Variants in DTNB observed in about 807,000 individuals in gnomAD.
The protein encoded by DTNB is dystrobrevin beta, also known as DTN-B.
In DTNB, 63 loss-of-function variants were observed where a neutral mutation model predicts 90.7. The observed-to-expected ratio is 0.69, with a 90% CI of 0.57 to 0.86. DTNB has a LOEUF of 0.86. DTNB is among the 40% of genes least tolerant of loss of function. DTNB has a pLI of 0.00. For missense variants in DTNB, 744 were observed against 807.1 expected (o/e 0.92, Z 0.95); for synonymous variants, 277 against 286.7 (o/e 0.97, Z 0.34).
chr2:25,451,573 C>G lies in DTNB; in HGVS notation c.1232G>C (p.Arg411Pro). Residue 411 changes from arginine (R) to proline (P), a missense_variant, in exon 12 of 21, where the codon CGG (arginine) becomes CCG (proline). Coordinates refer to ENST00000406818, the MANE Select transcript of DTNB (RefSeq NM_021907.5). ...CACGTTTCCTGCTTCTGCAGCCAGC[C>G]GGGCAGCATAGCGAGCTATAAGACG... ...EHRLIARYAA[R>P]LAAEAGNVTR... is the part of the protein sequence containing the mutation. The G allele has an allele frequency of 6.2e-7, 1 of 1,609,218 alleles. No homozygotes were observed. The highest frequency in any genetic ancestry group is 8.5e-7 in the Non-Finnish European group (1 of 1,177,804).
At chr2:25,645,734 C>A (rs2079297866) in intron 2 of DTNB, among the ~76,000 whole-genome samples, 1 of 152,076 alleles carries the variant, frequency 6.6e-6, no homozygotes, top group South Asian at 2.1e-4. Context: ...AGCCACTGCA[C>A]CTGGTCCTTA....
In DTNB at chr2:25,461,028, T is replaced by C. The variant is rs1436689073; in HGVS notation, c.1080-5534A>G. 2.6e-5 allele frequency among the ~76,000 whole-genome samples: 4 copies of C among 152,098 alleles called. No homozygotes were observed. The East Asian group carries it at 7.7e-4, about 29-fold the overall frequency. ...AAGCAATTCTCTTGCCTCAGCCTCC[T>C]GAGCAGCTGGGACTACAGGTGTGTG... On this transcript the variant is annotated intron_variant, in intron 10 of 20. Transcript: ENST00000406818.
chr2:25,502,188 A>C (rs6725828), intron 9 of DTNB, among the ~76,000 whole-genome samples: 49,543 of 151,860 alleles, frequency 0.33, 9,659 homozygotes, highest in African/African-American at 0.54. Context: ...CTGTCTCAAA[A>C]CAAAATAACA....
chr2:25,448,592 C>A (rs960063432), intron 12 of DTNB, among the ~76,000 whole-genome samples: 2 of 152,070 alleles, frequency 1.3e-5, no homozygotes, highest in African/African-American at 4.8e-5. Flanking sequence ...CGGTGGCTCA[C>A]GCCTGTAATC....
chr2:25,394,601 T>C (rs1198063289), intron 16 of DTNB, among the ~76,000 whole-genome samples: 2 of 152,030 alleles, frequency 1.3e-5, no homozygotes, highest in South Asian at 2.1e-4. Context: ...TCTCAAAAGA[T>C]GGTATACAAA....
chr2:25,624,247 T>C (rs1303934261), intron 4 of DTNB, among the ~76,000 whole-genome samples: 1 of 152,224 alleles, frequency 6.6e-6, no homozygotes, highest in African/African-American at 2.4e-5. Flanking sequence ...GCGTATCTGA[T>C]TGATGTCTCA....
intron 9 of DTNB, among the ~76,000 whole-genome samples, chr2:25,486,115 C>T (rs886421281): frequency 7.4e-6 from 1 of 135,344 alleles, no homozygotes. Context: ...GAGCAAGACT[C>T]CATCTCAAAA....
Position 25,451,552 on chromosome 2 carries a change from T to A in DTNB, c.1253A>T (p.Asn418Ile), listed in dbSNP as rs34836260. ...TGGGATCCTCCATTAACTTACCACG[T>A]TTCCTGCTTCTGCAGCCAGCCGGGC... Reference protein sequence around the residue: ...YAARLAAEAGNVTRPPTDLSF... With the variant: ...YAARLAAEAGIVTRPPTDLSF... Residue 418 changes from asparagine (N) to isoleucine (I), a missense_variant, in exon 12 of 21, where the codon AAC becomes ATC. Coordinates refer to ENST00000406818, the MANE Select transcript of DTNB (RefSeq NM_021907.5). The A allele has an allele frequency of 6.2e-7, 1 of 1,606,746 alleles. No homozygotes were observed. Among genetic ancestry groups the A allele is most frequent in the African/African-American group, 1.3e-5 (1 of 74,978 alleles).
At position 25,628,170 on chromosome 2, in the gene DTNB, C is replaced by T; in HGVS notation, c.362+1G>A. 6.2e-7 allele frequency: 1 copy of T among 1,613,536 alleles called. No individual in the cohort carries two copies. The highest frequency in any genetic ancestry group is 1.1e-5 in the South Asian group (1 of 91,038). On this transcript the variant is annotated splice_donor_variant, in intron 4 of 20. Transcript: ENST00000406818. LOFTEE classifies it high-confidence loss of function. ...AGCGTGTAAGGTAAGGTACTACTAG[C>T]CTGTCATATGCAGCAATCATAAAGT...
At chr2:25,410,609 A>G (rs2046346139) in intron 16 of DTNB, among the ~76,000 whole-genome samples, 1 of 152,190 alleles carries the variant, frequency 6.6e-6, no homozygotes, top group South Asian at 2.1e-4. Flanking sequence ...AACTCGGGGA[A>G]GTCTGAATTA....
chr2:25,480,408 A>G (rs949479912), intron 10 of DTNB, among the ~76,000 whole-genome samples: 2 of 152,182 alleles, frequency 1.3e-5, no homozygotes, highest in Non-Finnish European at 2.9e-5. Flanking sequence ...TCCAGGCTAT[A>G]GATTATCTGA....
intron 9 of DTNB, among the ~76,000 whole-genome samples, chr2:25,527,960 G>C (rs1052776891): frequency 6.6e-6 from 1 of 152,014 alleles, no homozygotes; most frequent in Non-Finnish European, 1.5e-5. Flanking sequence ...CCAAATCTAG[G>C]GAAGTTACAG....
At chr2:25,420,323 A>G (rs2049139470) in intron 15 of DTNB, among the ~76,000 whole-genome samples, 1 of 135,540 alleles carries the variant, frequency 7.4e-6, no homozygotes, top group African/African-American at 2.8e-5. Context: ...TTCCCCCAGT[A>G]AACTGGAAAC....
At chr2:25,475,266 A>C (rs1376497653) in intron 10 of DTNB, among the ~76,000 whole-genome samples, 2 of 152,242 alleles carry the variant, frequency 1.3e-5, no homozygotes, top group East Asian at 3.8e-4. Context: ...TGTACACAGA[A>C]ATGAGAAGAA....
intron 9 of DTNB, among the ~76,000 whole-genome samples, chr2:25,499,437 G>A (rs992612037): frequency 1.3e-5 from 2 of 152,148 alleles, no homozygotes; most frequent in African/African-American, 4.8e-5. Context: ...GCCACATGGT[G>A]CTTCAGTGAC....
At position 25,589,932 on chromosome 2, in the gene DTNB, C is replaced by A. The variant is rs73922439; in HGVS notation, c.603+6154G>T. ...GCGAGCCATGTGCAGAGCAGTGAAG[C>A]GAGTGTGAAGGAGTGTGGGGTCCGG... is the stretch of plus-strand genomic sequence containing the variant. On this transcript the variant is annotated intron_variant, in intron 6 of 20. Transcript: ENST00000406818. Among the ~76,000 whole-genome samples, 19 of 152,240 alleles carry A rather than the reference C, an allele frequency of 1.2e-4. No homozygotes were observed. The South Asian group carries it at 3.9e-3, about 32-fold the overall frequency.
At position 25,427,584 on chromosome 2, in the gene DTNB, C is replaced by T. The variant is rs754314448; in HGVS notation, c.1505G>A (p.Ser502Asn). ...LEQRMSALQESRRELMVQLEE... is the reference protein window; with the variant it reads ...LEQRMSALQENRRELMVQLEE... ...CAGCTGGACCATCAGCTCCCGCCTG[C>T]TCTCCTGCAGGGCCGACATCCTCTG... Residue 502 changes from serine (S) to asparagine (N), a missense_variant, in exon 15 of 21, where the codon AGC becomes AAC. By Grantham distance (46) the Ser-to-Asn change is conservative. Transcript: ENST00000406818. 6.2e-6 allele frequency: 10 copies of T among 1,613,648 alleles called. No individual in the cohort carries two copies. Among genetic ancestry groups the T allele is most frequent in the African/African-American group, 2.7e-5 (2 of 74,928 alleles).
chr2:25,618,434 C>A (rs1245085514), intron 4 of DTNB, among the ~76,000 whole-genome samples: 1 of 152,204 alleles, frequency 6.6e-6, no homozygotes, highest in Non-Finnish European at 1.5e-5. Flanking sequence ...GGCCACAGCA[C>A]ATGTCCTCAC....
intron 6 of DTNB, among the ~76,000 whole-genome samples, chr2:25,589,470 T>G (rs1001941304): frequency 6.7e-5 from 9 of 135,116 alleles, no homozygotes; most frequent in Non-Finnish European, 1.1e-4. Flanking sequence ...AACCTCTGCC[T>G]CCTGGGTTCA....
Sources: gnomAD v4.1 joint callset for allele counts (sites outside exome capture counted in the v4.1 genomes callset) on GRCh38, gnomAD v4.1.1 for gene constraint, MANE v1.5 for transcripts, NCBI Gene and HGNC (gene_info 2026-07-23, HGNC 2026-07-21) for gene names.